Variants in TNS3 observed in about 807,000 individuals in gnomAD.
TNS3 encodes tensin-3.
In TNS3, 45 loss-of-function variants were observed where a neutral mutation model predicts 140.9. That is an observed-to-expected ratio of 0.32 (90% CI 0.25 to 0.41). The LOEUF (loss-of-function observed/expected upper bound fraction) is 0.41, where lower values mean the gene tolerates loss of function less well. TNS3 is among the 10% of genes least tolerant of loss of function. TNS3 has a pLI of 1.00. For synonymous variants in TNS3, 815 were observed against 788.4 expected (o/e 1.03, Z -0.56); for missense variants, 1,716 against 1,906.7 (o/e 0.90, Z 1.86).
intron 8 of TNS3, 106 bp from the exon 9 acceptor site, chr7:47,428,482 T>G (rs1399540992): frequency 1.6e-5 from 13 of 834,916 alleles, no homozygotes; most frequent in African/African-American, 3.5e-5. Flanking sequence ...AGAGCCTGCT[T>G]TGGTGGTAAG....
intron 1 of TNS3, among the ~76,000 whole-genome samples, chr7:47,560,000 C>T (rs1295848193): frequency 3.9e-5 from 6 of 152,178 alleles, no homozygotes; most frequent in Non-Finnish European, 7.4e-5. Flanking sequence ...GCTGGGTCTA[C>T]ACCACCTGCT....
chr7:47,415,242 G>A, intron 10 of TNS3, 36 bp from the exon 11 acceptor site: 4 of 1,488,906 alleles, frequency 2.7e-6, no homozygotes, highest in African/African-American at 1.4e-5. Flanking sequence ...CTTCCCAGAA[G>A]TGTCTTCAGC....
At chr7:47,387,856 G>A (rs1792162251) in intron 16 of TNS3, among the ~76,000 whole-genome samples, 1 of 152,242 alleles carries the variant, frequency 6.6e-6, no homozygotes, top group Admixed American at 6.5e-5. Context: ...GTTCATGTGA[G>A]GAAGAGACTC....
At chr7:47,556,561 T>C (rs1488273591) in intron 1 of TNS3, among the ~76,000 whole-genome samples, 1 of 152,070 alleles carries the variant, frequency 6.6e-6, no homozygotes. Context: ...CAGGCGAGCA[T>C]GATTATTATT....
intron 8 of TNS3, among the ~76,000 whole-genome samples, chr7:47,432,140 A>C (rs1223714898): frequency 2.0e-5 from 3 of 152,234 alleles, no homozygotes; most frequent in African/African-American, 7.2e-5. Flanking sequence ...TCCAAAACTC[A>C]TGTTGAAATT....
At chr7:47,478,815 CATGT>C (rs1797299409) in intron 4 of TNS3, among the ~76,000 whole-genome samples, 1 of 151,998 alleles carries the variant, frequency 6.6e-6, no homozygotes, top group Admixed American at 6.6e-5. Flanking sequence ...GTATAACATG[CATGT>C]ATGTGTTCAT....
At chr7:47,378,148 C>A (rs1012737368) in intron 16 of TNS3, among the ~76,000 whole-genome samples, 2 of 152,002 alleles carry the variant, frequency 1.3e-5, no homozygotes, top group Non-Finnish European at 2.9e-5. Flanking sequence ...GCATGGCACA[C>A]AGCAGGCATT....
intron 4 of TNS3, among the ~76,000 whole-genome samples, chr7:47,449,052 G>A (rs1372969965): frequency 2.0e-5 from 3 of 152,184 alleles, no homozygotes; most frequent in African/African-American, 7.2e-5. Flanking sequence ...AGCCAGCCTT[G>A]CTCACTGCAG....
intron 15 of TNS3, among the ~76,000 whole-genome samples, chr7:47,398,165 A>C (rs1277374289): frequency 6.6e-6 from 1 of 152,104 alleles, no homozygotes; most frequent in Non-Finnish European, 1.5e-5. Flanking sequence ...TGAATCAATA[A>C]TTTTTTTAAT....
At chr7:47,339,758 ACTGT>A (rs970363111) in intron 20 of TNS3, among the ~76,000 whole-genome samples, 22 of 152,132 alleles carry the variant, frequency 1.4e-4, no homozygotes, top group African/African-American at 4.3e-4. Flanking sequence ...TTGTGGTAAA[ACTGT>A]CTGTCAATCT....
intron 10 of TNS3, among the ~76,000 whole-genome samples, chr7:47,420,593 G>T (rs576497551): frequency 4.6e-5 from 7 of 152,358 alleles, no homozygotes; most frequent in Admixed American, 1.3e-4. Context: ...TCTGAGGGAA[G>T]AATCACGGGA....
At chr7:47,469,772 G>A (rs901296679) in intron 4 of TNS3, among the ~76,000 whole-genome samples, 1 of 152,028 alleles carries the variant, frequency 6.6e-6, no homozygotes, top group African/African-American at 2.4e-5. Flanking sequence ...TCAGGAGTTC[G>A]AGACCAGCCT....
chr7:47,466,368 T>C (rs1229358551), intron 4 of TNS3, among the ~76,000 whole-genome samples: 2 of 152,044 alleles, frequency 1.3e-5, no homozygotes, highest in Admixed American at 6.6e-5. Context: ...GCCAGGCTGG[T>C]CTCCTGACCT....
rs775838543 is a variant in TNS3, at chr7:47,529,165, G to A, written c.-264-18C>T. 1 of 1,214,238 alleles carries A rather than the reference G, an allele frequency of 8.2e-7. No individual in the cohort carries two copies. The highest frequency in any genetic ancestry group is 1.1e-6 in the Non-Finnish European group (1 of 934,410). The allele number at this position is 1,214,238 out of a possible 1,614,324, so 75.2% of individuals were successfully genotyped here. ...TCTTCCGGCTGAAAAAGTAAAGGAA[G>A]AAATTGTCAACGTTTCATCTCATAG... On this transcript the variant is annotated intron_variant, in intron 1 of 30. Transcript: ENST00000311160.
intron 2 of TNS3, among the ~76,000 whole-genome samples, chr7:47,512,667 T>C (rs1466651949): frequency 6.6e-6 from 1 of 152,040 alleles, no homozygotes; most frequent in Non-Finnish European, 1.5e-5. Context: ...GAGAGAGACC[T>C]CACAACTCAG....
In TNS3 at chr7:47,275,702, T is replaced by C. The variant is rs182200319; in HGVS notation, c.*2374A>G. The C allele has an allele frequency of 2.3e-6, 1 of 429,422 alleles. No individual in the cohort carries two copies. The highest frequency in any genetic ancestry group is 7.1e-5 in the East Asian group (1 of 13,996). The allele number at this position is 429,422 out of a possible 1,614,324, so 26.6% of individuals were successfully genotyped here. On this transcript the variant is annotated 3_prime_UTR_variant, in exon 31 of 31. Coordinates refer to ENST00000311160, the MANE Select transcript of TNS3 (RefSeq NM_022748.12). The stretch of plus-strand genomic sequence containing the variant: ...CAGCTCTTCAGAAATCGTGGAAACT[T>C]GCTTCCTTTGGTTCCTCAGAGGGAG...
intron 23 of TNS3, among the ~76,000 whole-genome samples, chr7:47,298,306 G>C (rs544336777): frequency 6.6e-6 from 1 of 152,140 alleles, no homozygotes; most frequent in African/African-American, 2.4e-5. Context: ...CCAGGGCCTC[G>C]CACAGTGGGT....
intron 2 of TNS3, among the ~76,000 whole-genome samples, chr7:47,512,229 G>T (rs1584794689): frequency 6.6e-6 from 1 of 152,294 alleles, no homozygotes; most frequent in East Asian, 1.9e-4. Context: ...GGCTCCACAT[G>T]CATGAGCCCA....
At chr7:47,483,783 C>T (rs1414676333) in intron 3 of TNS3, among the ~76,000 whole-genome samples, 1 of 152,180 alleles carries the variant, frequency 6.6e-6, no homozygotes, top group Non-Finnish European at 1.5e-5. Flanking sequence ...TCCCATCTCA[C>T]CCCAGACCAT....
Sources: gnomAD v4.1 joint callset for allele counts (sites outside exome capture counted in the v4.1 genomes callset) on GRCh38, gnomAD v4.1.1 for gene constraint, MANE v1.5 for transcripts, NCBI Gene and HGNC (gene_info 2026-07-23, HGNC 2026-07-21) for gene names.